The following HERC4 variants were observed in gnomAD, a reference collection of about 807,000 sequenced individuals.
HERC4 encodes the protein probable E3 ubiquitin-protein ligase HERC4.
Under a neutral mutation model 124.3 loss-of-function variants are expected in HERC4, and 28 were observed. The ratio of observed to expected loss-of-function variants is 0.23; its 90% CI spans 0.17 to 0.31. The LOEUF (loss-of-function observed/expected upper bound fraction) is 0.31, where lower values mean the gene tolerates loss of function less well. HERC4 is among the 10% of genes least tolerant of loss of function. HERC4 has a pLI of 1.00. For missense variants in HERC4, 713 were observed against 1,229.3 expected (o/e 0.58, Z 6.28); for synonymous variants, 407 against 421.5 (o/e 0.97, Z 0.42).
intron 23 of HERC4, among the ~76,000 whole-genome samples, chr10:67,929,851 TG>T: frequency 6.7e-6 from 1 of 149,216 alleles, no homozygotes; most frequent in East Asian, 2.0e-4. Flanking sequence ...TCACTCTTGT[TG>T]CCCAGGCTGG....
chr10:67,995,015 GA>G (rs36006838), intron 9 of HERC4: 1 of 249,304 alleles, frequency 4.0e-6, no homozygotes, highest in Non-Finnish European at 7.9e-6. Flanking sequence ...ATCACTACTC[GA>G]AAAAGTTTGA....
intron 4 of HERC4, chr10:68,040,508 C>CT (rs1177481984): frequency 1.5e-6 from 1 of 689,558 alleles, no homozygotes; most frequent in Admixed American, 6.3e-5. Flanking sequence ...TTTGTTAGAA[C>CT]TCATCAAAAG....
intron 23 of HERC4, among the ~76,000 whole-genome samples, chr10:67,927,251 G>A (rs1333697418): frequency 6.6e-6 from 1 of 151,278 alleles, no homozygotes; most frequent in East Asian, 1.9e-4. Flanking sequence ...ATCTCTAAAT[G>A]GTTTGGTAGA....
intron 15 of HERC4, among the ~76,000 whole-genome samples, chr10:67,968,357 G>A (rs2035018672): frequency 6.6e-6 from 1 of 151,228 alleles, no homozygotes; most frequent in Non-Finnish European, 1.5e-5. Context: ...CCAACAGAAA[G>A]CACAGCTGAG....
At chr10:67,971,668 C>G (rs1233360939) in intron 15 of HERC4, among the ~76,000 whole-genome samples, 1 of 151,504 alleles carries the variant, frequency 6.6e-6, no homozygotes, top group East Asian at 1.9e-4. Context: ...CCCCACCCCC[C>G]ACCGACATTT....
intron 15 of HERC4, among the ~76,000 whole-genome samples, chr10:67,970,673 A>G (rs2035181278): frequency 6.6e-6 from 1 of 152,062 alleles, no homozygotes; most frequent in Non-Finnish European, 1.5e-5. Flanking sequence ...GATTCAGAGA[A>G]GACCCAAATG....
At chr10:68,073,262 C>CA (rs754573887) in intron 2 of HERC4, 76 bp from the exon 3 acceptor site, 15 of 599,588 alleles carry the variant, frequency 2.5e-5, no homozygotes, top group Non-Finnish European at 3.8e-5. Context: ...TGCTAGGCTA[C>CA]AATAATTGCT....
chr10:68,030,360 G>A (rs1192113059), intron 7 of HERC4, among the ~76,000 whole-genome samples: 1 of 152,036 alleles, frequency 6.6e-6, no homozygotes, highest in Non-Finnish European at 1.5e-5. Context: ...AGAATCACTT[G>A]AACCTGGGAG....
chr10:67,946,704 C>T lies in HERC4; in HGVS notation c.2338-5599G>A, dbSNP rs1233552240. Among the ~76,000 whole-genome samples, 5 of 151,916 alleles carry T rather than the reference C, an allele frequency of 3.3e-5. No individual in the cohort carries two copies. The East Asian group carries it at 7.7e-4, about 24-fold the overall frequency. On this transcript the variant is annotated intron_variant, in intron 19 of 24. Transcript: ENST00000373700. ...TGGGCGGATCATGAGGTCAAGAGAT[C>T]GAGACCATCCTGGCCAACATGGTGA...
intron 3 of HERC4, among the ~76,000 whole-genome samples, chr10:68,056,376 CCTT>C (rs1335563616): frequency 6.6e-6 from 1 of 152,148 alleles, no homozygotes; most frequent in Non-Finnish European, 1.5e-5. Context: ...GCCCTGAGTT[CCTT>C]CTATGTGCAC....
intron 9 of HERC4, among the ~76,000 whole-genome samples, chr10:67,995,835 T>C (rs1197943282): frequency 2.0e-5 from 3 of 152,244 alleles, no homozygotes; most frequent in African/African-American, 7.2e-5. Context: ...TCTTAGTGCA[T>C]ATTGTGACAT....
chr10:67,939,757 G>T (rs2032712034), intron 20 of HERC4, 103 bp from the exon 21 acceptor site: 5 of 486,502 alleles, frequency 1.0e-5, no homozygotes, highest in South Asian at 5.9e-5. Context: ...ATTCCCTCTT[G>T]GTAAAATCCT....
Position 68,059,847 on chromosome 10 carries a change from T to TCATAA in HERC4, c.226+13035_226+13036insTTATG, listed in dbSNP as rs1564609945. Among the ~76,000 whole-genome samples, 7 of 85,244 alleles carry TCATAA rather than the reference T, an allele frequency of 8.2e-5. 1 individual carries two copies. Among genetic ancestry groups the TCATAA allele is most frequent in the African/African-American group, 1.1e-4 (2 of 17,672 alleles). 55.9% of individuals were successfully genotyped at this position (85,244 alleles called of 152,430 possible). The stretch of plus-strand genomic sequence containing the variant: ...TCATAATATTATATATTATAATATA[T>TCATAA]TATATATCATAATATTATATATTAT... On this transcript the variant is annotated intron_variant, in intron 3 of 24. Coordinates refer to ENST00000373700, the MANE Select transcript of HERC4 (RefSeq NM_015601.4).
chr10:68,049,272 T>C (rs1321400759), intron 3 of HERC4, among the ~76,000 whole-genome samples: 1 of 151,440 alleles, frequency 6.6e-6, no homozygotes. Flanking sequence ...AGAAAAAAAA[T>C]AAGATGTGGA....
intron 19 of HERC4, among the ~76,000 whole-genome samples, chr10:67,951,327 A>G (rs956142405): frequency 1.3e-5 from 2 of 152,194 alleles, no homozygotes; most frequent in African/African-American, 2.4e-5. Flanking sequence ...CAGATTGTCC[A>G]CTTACCTCAG....
intron 9 of HERC4, 27 bp downstream of exon 9, chr10:68,013,999 G>A (rs1221910720): frequency 2.0e-6 from 3 of 1,519,810 alleles, no homozygotes; most frequent in African/African-American, 2.8e-5. Flanking sequence ...AATATATGAA[G>A]GAAAGCTTTA....
At chr10:68,040,808 G>A (rs985128619) in intron 4 of HERC4, among the ~76,000 whole-genome samples, 1 of 151,016 alleles carries the variant, frequency 6.6e-6, no homozygotes, top group Non-Finnish European at 1.5e-5. Context: ...AGAATGGCTT[G>A]AACCCAGGAG....
intron 5 of HERC4, among the ~76,000 whole-genome samples, chr10:68,035,629 T>C (rs2133383523): frequency 6.6e-6 from 1 of 152,348 alleles, no homozygotes; most frequent in South Asian, 2.1e-4. Context: ...GATAAACACT[T>C]TAAACAAGGC....
In HERC4 at chr10:67,940,836, A is replaced by G. The variant is rs992116350; in HGVS notation, c.2504+103T>C. ...ATTTGTTTACTTCAGAAATTTAACA[A>G]GAAGAACAAAATATATTTTTTCATA... is the stretch of plus-strand genomic sequence containing the variant. On this transcript the variant is annotated intron_variant, in intron 20 of 24. Coordinates refer to ENST00000373700, the MANE Select transcript of HERC4 (RefSeq NM_015601.4). 4.4e-5 allele frequency: 45 copies of G among 1,013,084 alleles called. 1 individual carries two copies. The African/African-American group carries it at 6.7e-4, about 15-fold the overall frequency. The allele number at this position is 1,013,084 out of a possible 1,614,324, so 62.8% of individuals were successfully genotyped here.
Sources: allele counts gnomAD v4.1 joint callset (sites outside exome capture counted in the v4.1 genomes callset), GRCh38; gene constraint gnomAD v4.1.1; transcripts MANE v1.5; gene names NCBI Gene and HGNC (gene_info 2026-07-23, HGNC 2026-07-21).